The following CLSTN2 variants were observed in gnomAD, a reference collection of about 807,000 sequenced individuals.
CLSTN2 encodes calsyntenin-2.
In CLSTN2, 48 loss-of-function variants were observed where a neutral mutation model predicts 101.2. That is an observed-to-expected ratio of 0.47 (90% confidence interval 0.38 to 0.60). The LOEUF is 0.60. CLSTN2 is among the 20% of genes least tolerant of loss of function. CLSTN2 has a pLI of 0.00. For synonymous variants in CLSTN2, 481 were observed against 463.6 expected, an observed-to-expected ratio of 1.04 and a Z score of -0.48; for missense variants, 1,160 against 1,238.2, an observed-to-expected ratio of 0.94 and a Z score of 0.95.
At chr3:140,117,206 C>A (rs1327373427) in intron 1 of CLSTN2, among the ~76,000 whole-genome samples, 1 of 152,162 alleles carries the variant, frequency 6.6e-6, no homozygotes, top group Admixed American at 6.5e-5. Context: ...AGAATGACCT[C>A]TACCCTGCCC....
intron 6 of CLSTN2, among the ~76,000 whole-genome samples, chr3:140,455,039 G>T (rs934836121): frequency 2.6e-5 from 4 of 152,160 alleles, no homozygotes; most frequent in Non-Finnish European, 5.9e-5. Context: ...GAAAATAAAA[G>T]ACTTTCATTG....
chr3:140,108,721 G>A (rs1560097171), intron 1 of CLSTN2, among the ~76,000 whole-genome samples: 1 of 152,068 alleles, frequency 6.6e-6, no homozygotes, highest in East Asian at 1.9e-4. Context: ...ATTTTGTTTT[G>A]TTTTGTTGTA....
At chr3:139,992,824 A>T (rs1421824899) in intron 1 of CLSTN2, among the ~76,000 whole-genome samples, 1 of 152,150 alleles carries the variant, frequency 6.6e-6, no homozygotes, top group Non-Finnish European at 1.5e-5. Flanking sequence ...TAGACAGTTG[A>T]AGGCTGCTTT....
chr3:140,481,665 TC>T (rs367584116), intron 8 of CLSTN2, among the ~76,000 whole-genome samples: 1,889 of 152,340 alleles, frequency 0.012, 29 homozygotes, highest in Middle Eastern at 0.031. Context: ...GTCCTTCACA[TC>T]CCTTGTAAGT....
chr3:140,119,709 A>G (rs1194066080), intron 1 of CLSTN2, among the ~76,000 whole-genome samples: 2 of 152,016 alleles, frequency 1.3e-5, no homozygotes, highest in South Asian at 2.1e-4. Context: ...GGGTTTTGCC[A>G]TGTTGCCCAG....
chr3:140,470,846 C>T (rs1443099952), intron 8 of CLSTN2, among the ~76,000 whole-genome samples: 1 of 152,158 alleles, frequency 6.6e-6, no homozygotes, highest in Admixed American at 6.5e-5. Flanking sequence ...CAGCCCTGGA[C>T]AGACATGTTT....
chr3:140,371,286 TG>T (rs1295885450), intron 2 of CLSTN2, among the ~76,000 whole-genome samples: 1 of 149,832 alleles, frequency 6.7e-6, no homozygotes, highest in African/African-American at 2.5e-5. Context: ...GGGTAGAGGC[TG>T]GAGCTGGAAG....
chr3:140,014,497 G>A (rs1436654593), intron 1 of CLSTN2, among the ~76,000 whole-genome samples: 1 of 152,108 alleles, frequency 6.6e-6, no homozygotes, highest in African/African-American at 2.4e-5. Flanking sequence ...GAGATTACAG[G>A]CATGGGACAC....
intron 2 of CLSTN2, among the ~76,000 whole-genome samples, chr3:140,362,729 A>C (rs1187453504): frequency 1.3e-5 from 2 of 152,348 alleles, no homozygotes; most frequent in East Asian, 3.9e-4. Flanking sequence ...AATCAATATA[A>C]TTAGTCATTA....
intron 4 of CLSTN2, among the ~76,000 whole-genome samples, chr3:140,420,288 C>T (rs1362037366): frequency 1.4e-5 from 2 of 146,722 alleles, no homozygotes; most frequent in Non-Finnish European, 3.0e-5. Context: ...TCAACTCTGC[C>T]GCCAAAAAAA....
At position 140,154,641 on chromosome 3, in the gene CLSTN2, CT is replaced by C. The variant is rs35699283; in HGVS notation, c.110-21289del. Among the ~76,000 whole-genome samples the C allele has an allele frequency of 3.0e-3, 279 of 92,868 alleles. 1 individual carries two copies. Among genetic ancestry groups the C allele is most frequent in the African/African-American group, 9.0e-3 (219 of 24,432 alleles). 60.9% of individuals were successfully genotyped at this position (92,868 alleles called of 152,430 possible). ...AGAGAGAGAGAGGGGAAGTATCACC[CT>C]TTTTTTTTTTTTTTTTTTTTGAGAC... On this transcript the variant is annotated intron_variant, in intron 1 of 16. Coordinates refer to ENST00000458420, the MANE Select transcript of CLSTN2 (RefSeq NM_022131.3).
intron 1 of CLSTN2, among the ~76,000 whole-genome samples, chr3:140,032,573 GTGATC>G (rs995037804): frequency 6.6e-6 from 1 of 152,060 alleles, no homozygotes; most frequent in Non-Finnish European, 1.5e-5. Flanking sequence ...CTGACCTCAG[GTGATC>G]TGCCCACCTC....
intron 8 of CLSTN2, among the ~76,000 whole-genome samples, chr3:140,520,506 CA>C (rs1935001872): frequency 6.6e-6 from 1 of 152,184 alleles, no homozygotes; most frequent in South Asian, 2.1e-4. Context: ...CACTCACTAT[CA>C]CAAGAATAGC....
chr3:140,413,700 C>T (rs546503424), intron 4 of CLSTN2, among the ~76,000 whole-genome samples: 18 of 152,260 alleles, frequency 1.2e-4, no homozygotes, highest in Admixed American at 7.8e-4. Context: ...AAGGATCATA[C>T]ACCATGATTA....
chr3:140,099,763 G>A (rs2008933984), intron 1 of CLSTN2, among the ~76,000 whole-genome samples: 1 of 152,164 alleles, frequency 6.6e-6, no homozygotes, highest in African/African-American at 2.4e-5. Context: ...GTTAGAGCTG[G>A]TACAGCAGAT....
At chr3:140,515,639 G>T (rs1225914319) in intron 8 of CLSTN2, among the ~76,000 whole-genome samples, 3 of 152,072 alleles carry the variant, frequency 2.0e-5, no homozygotes, top group African/African-American at 7.2e-5. Flanking sequence ...CAAGCATTCA[G>T]GAGCAGGTTA....
intron 2 of CLSTN2, among the ~76,000 whole-genome samples, chr3:140,268,224 G>C (rs2086712915): frequency 3.3e-5 from 5 of 152,168 alleles, no homozygotes; most frequent in Admixed American, 3.3e-4. Context: ...CTTCAGAAGA[G>C]GGAGGAATCA....
intron 2 of CLSTN2, among the ~76,000 whole-genome samples, chr3:140,234,609 C>G (rs2086400467): frequency 6.6e-6 from 1 of 152,090 alleles, no homozygotes; most frequent in Non-Finnish European, 1.5e-5. Context: ...TGTGCTGGTA[C>G]CATGACAAGA....
intron 1 of CLSTN2, among the ~76,000 whole-genome samples, chr3:140,068,307 C>T (rs1042941059): frequency 5.9e-5 from 9 of 152,318 alleles, no homozygotes; most frequent in African/African-American, 1.2e-4. Context: ...ATTCATTTAA[C>T]GCTCTTTGGG....
Sources: allele counts gnomAD v4.1 joint callset (sites outside exome capture counted in the v4.1 genomes callset), GRCh38; gene constraint gnomAD v4.1.1; transcripts MANE v1.5; gene names NCBI Gene and HGNC (gene_info 2026-07-23, HGNC 2026-07-21).